The following FIG4 variants were observed in gnomAD, a reference collection of about 807,000 sequenced individuals.
FIG4 encodes polyphosphoinositide phosphatase.
Under a neutral mutation model 118.6 loss-of-function variants are expected in FIG4, and 112 were observed. The ratio of observed to expected loss-of-function variants is 0.94; its 90% CI spans 0.81 to 1.11. The LOEUF (loss-of-function observed/expected upper bound fraction) is 1.11, where lower values mean the gene tolerates loss of function less well. Ranked by LOEUF, FIG4 falls within the 50% of genes least tolerant of loss-of-function variation. The pLI is 0.00. For synonymous variants in FIG4, 369 were observed against 381.2 expected (o/e 0.97, Z 0.37); for missense variants, 969 against 1,111.7 (o/e 0.87, Z 1.83).
At chr6:109,778,106 A>G (rs1484804758) in intron 16 of FIG4, among the ~76,000 whole-genome samples, 2 of 152,150 alleles carry the variant, frequency 1.3e-5, no homozygotes, top group African/African-American at 4.8e-5. Context: ...TCTAATGTCA[A>G]GTTCTCCCAT....
At chr6:109,819,657 C>T (rs760306985) in intron 22 of FIG4, among the ~76,000 whole-genome samples, 2 of 151,932 alleles carry the variant, frequency 1.3e-5, no homozygotes, top group Non-Finnish European at 2.9e-5. Context: ...TTAGTAGAAA[C>T]GGGGTTTCAC....
chr6:109,797,017 G>A (rs1171845575), intron 22 of FIG4, among the ~76,000 whole-genome samples, 166 bp downstream of exon 22: 1 of 152,198 alleles, frequency 6.6e-6, no homozygotes, highest in Non-Finnish European at 1.5e-5. Context: ...GTCTCTGAGG[G>A]ATAGGGAAGA....
In FIG4 at chr6:109,715,118, A is replaced by G. The variant is rs760770423; in HGVS notation, c.107A>G (p.Tyr36Cys). The change falls in exon 2 of 23, where the codon TAT (tyrosine) becomes TGT (cysteine). Residue 36 changes from tyrosine (Y) to cysteine (C), a missense_variant. By Grantham distance (194) the Tyr-to-Cys change is radical. Transcript: ENST00000230124. ...GGGAGCAATAATGCAGAAACGAAAT[A>G]TCGTGTCTTGAAGATTGATAGAACA... ...LVGSNNAETK[Y>C]RVLKIDRTEP... is the part of the protein sequence containing the mutation. The G allele has an allele frequency of 4.4e-6, 7 of 1,605,662 alleles. No individual in the cohort carries two copies. In the Admixed American group the frequency reaches 1.2e-4, roughly 27 times the overall value.
At position 109,814,781 on chromosome 6, in the gene FIG4, G is replaced by C. The variant is rs536482971; in HGVS notation, c.2547-10307G>C. Reference sequence around the variant, plus strand: ...TTGATTTCTGGCACAAGATGTTCTAGGCTCATCATGTCCTTTGTCTGTCCC... The same window carrying C: ...TTGATTTCTGGCACAAGATGTTCTACGCTCATCATGTCCTTTGTCTGTCCC... On this transcript the variant is annotated intron_variant, in intron 22 of 22. Transcript: ENST00000230124. Among the ~76,000 whole-genome samples, 137 of 152,102 alleles carry C rather than the reference G, an allele frequency of 9.0e-4. 1 individual carries two copies. The highest frequency in any genetic ancestry group is 3.2e-3 in the African/African-American group (133 of 41,506).
In FIG4 at chr6:109,732,605, A is replaced by G. The variant is rs772304390; in HGVS notation, c.447-32A>G. 6.4e-6 allele frequency: 7 copies of G among 1,091,688 alleles called. No individual in the cohort carries two copies. The South Asian group carries it at 8.7e-5, about 14-fold the overall frequency. The allele number at this position is 1,091,688 out of a possible 1,614,324, so 67.6% of individuals were successfully genotyped here. A position where few individuals can be genotyped will look rare whatever the true frequency, so the allele number is the denominator to read the frequency against. The stretch of plus-strand genomic sequence containing the variant: ...ACTGTGAGAAATAATAGTATTGGAC[A>G]AATGAAATGTACTTTGTTTTTTTTT... On this transcript the variant is annotated intron_variant, in intron 4 of 22. Coordinates refer to ENST00000230124, the MANE Select transcript of FIG4 (RefSeq NM_014845.6).
intron 15 of FIG4, among the ~76,000 whole-genome samples, chr6:109,772,909 A>T (rs1238198200): frequency 6.6e-6 from 1 of 152,208 alleles, no homozygotes; most frequent in Non-Finnish European, 1.5e-5. Flanking sequence ...ACTAGAGTAA[A>T]AATGATGTCA....
At chr6:109,759,998 G>A (rs567726885) in intron 10 of FIG4, among the ~76,000 whole-genome samples, 72 of 152,220 alleles carry the variant, frequency 4.7e-4, no homozygotes, top group South Asian at 4.4e-3. Flanking sequence ...GGTTTCTCAG[G>A]GTGCAGGGAG....
chr6:109,762,334 A>C (rs1777137312), intron 12 of FIG4, 127 bp downstream of exon 12: 2 of 690,818 alleles, frequency 2.9e-6, no homozygotes, highest in South Asian at 1.5e-5. Context: ...CACTGCTCAC[A>C]TGACTGAGTG....
intron 10 of FIG4, among the ~76,000 whole-genome samples, chr6:109,749,655 G>A (rs1231911989): frequency 7.1e-6 from 1 of 140,188 alleles, no homozygotes; most frequent in Non-Finnish European, 1.6e-5. Flanking sequence ...CGTATAGTGT[G>A]GTTGAAAAGC....
chr6:109,705,333 C>T (rs1775031279), intron 1 of FIG4, among the ~76,000 whole-genome samples: 1 of 152,154 alleles, frequency 6.6e-6, no homozygotes, highest in South Asian at 2.1e-4. Context: ...TGGTCAGCTG[C>T]CCACCAGAGG....
At chr6:109,711,146 T>C (rs534527281) in intron 1 of FIG4, among the ~76,000 whole-genome samples, 1 of 152,262 alleles carries the variant, frequency 6.6e-6, no homozygotes, top group East Asian at 1.9e-4. Flanking sequence ...ATGCCTGTAA[T>C]CCCAGCACTT....
chr6:109,720,974 C>T (rs1775589271), intron 3 of FIG4, among the ~76,000 whole-genome samples: 1 of 152,158 alleles, frequency 6.6e-6, no homozygotes, highest in Non-Finnish European at 1.5e-5. Context: ...ATGGAATGAC[C>T]TATAGTTCAT....
chr6:109,781,409 A>G (rs1449709408), intron 16 of FIG4, among the ~76,000 whole-genome samples: 2 of 152,116 alleles, frequency 1.3e-5, no homozygotes, highest in African/African-American at 4.8e-5. Flanking sequence ...CTCTGTGTAT[A>G]TTCCAGTTGA....
intron 15 of FIG4, among the ~76,000 whole-genome samples, chr6:109,775,955 C>G (rs971506814): frequency 1.3e-4 from 20 of 152,150 alleles, no homozygotes; most frequent in African/African-American, 4.8e-4. Flanking sequence ...AATAATGTTA[C>G]CTTGTTCCAA....
At chr6:109,735,452 A>G (rs1776133616) in intron 6 of FIG4, among the ~76,000 whole-genome samples, 154 bp downstream of exon 6, 1 of 152,118 alleles carries the variant, frequency 6.6e-6, no homozygotes, top group Admixed American at 6.6e-5. Flanking sequence ...TGATCAATTC[A>G]TTTTTATAGA....
intron 22 of FIG4, among the ~76,000 whole-genome samples, chr6:109,816,181 A>G (rs1778857476): frequency 6.6e-6 from 1 of 152,180 alleles, no homozygotes; most frequent in African/African-American, 2.4e-5. Flanking sequence ...GAATGTCCTC[A>G]GTAGCCGATG....
intron 3 of FIG4, among the ~76,000 whole-genome samples, chr6:109,724,850 T>C (rs1775749176): frequency 6.6e-6 from 1 of 151,078 alleles, no homozygotes; most frequent in Non-Finnish European, 1.5e-5. Flanking sequence ...TATATATATA[T>C]TTAATTTTGG....
chr6:109,753,424 G>A (rs554507759), intron 10 of FIG4, among the ~76,000 whole-genome samples: 4 of 151,610 alleles, frequency 2.6e-5, no homozygotes, highest in Admixed American at 6.6e-5. Context: ...TTGGTGATGC[G>A]GGCTCTTTTT....
chr6:109,786,429 G>C lies in FIG4; in HGVS notation c.2076G>C (p.Leu692Phe). ...ELSSFDDTFC[L>F]AMTSSARDFM... ...GCAGCTTTGATGATACCTTTTGCTT[G>C]GCTATGACAAGCTCAGCACGGTATG... is the stretch of plus-strand genomic sequence containing the variant. Residue 692 changes from leucine to phenylalanine, a missense_variant, in exon 18 of 23, where the codon TTG (leucine) becomes TTC (phenylalanine). Physicochemically the swap from Leu to Phe is conservative, Grantham distance 22. Transcript: ENST00000230124. 6.2e-7 allele frequency: 1 copy of C among 1,613,896 alleles called. No homozygotes were observed. The highest frequency in any genetic ancestry group is 8.5e-7 in the Non-Finnish European group (1 of 1,179,806).
Sources: gnomAD v4.1 joint callset for allele counts (sites outside exome capture counted in the v4.1 genomes callset) on GRCh38, gnomAD v4.1.1 for gene constraint, MANE v1.5 for transcripts, NCBI Gene and HGNC (gene_info 2026-07-23, HGNC 2026-07-21) for gene names.